The following CDCA5 variants were observed in gnomAD, a reference collection of about 807,000 sequenced individuals.
CDCA5 encodes the protein cell division cycle associated 5, also known as sororin.
Under a neutral mutation model 25.7 loss-of-function variants are expected in CDCA5, and 14 were observed. The observed-to-expected ratio is 0.54, with a 90% CI of 0.36 to 0.85. CDCA5 has a LOEUF of 0.85. Ranked by LOEUF, CDCA5 falls within the 40% of genes least tolerant of loss-of-function variation. CDCA5 has a pLI of 0.01. For synonymous variants in CDCA5, 127 were observed against 128.7 expected (o/e 0.99, Z 0.09); for missense variants, 307 against 324.5 (o/e 0.95, Z 0.41).
chr11:65,079,843 C>T lies in CDCA5; in HGVS notation c.244-56G>A, dbSNP rs966312636. 9 of 1,328,692 alleles carry T rather than the reference C, an allele frequency of 6.8e-6. No individual in the cohort carries two copies. The African/African-American group carries it at 1.0e-4, about 15-fold the overall frequency. 82.3% of individuals were successfully genotyped at this position (1,328,692 alleles called of 1,614,324 possible). On this transcript the variant is annotated intron_variant, in intron 4 of 5. Transcript: ENST00000275517. Reference sequence around the variant, plus strand: ...AATACTTAGCTGGACTGCTTACTTCCAGAAAAGCCCGAGAAGATTCAGGGT... The same window carrying T: ...AATACTTAGCTGGACTGCTTACTTCTAGAAAAGCCCGAGAAGATTCAGGGT...
chr11:65,082,540 G>C (rs1468379707), intron 4 of CDCA5, among the ~76,000 whole-genome samples: 1 of 142,898 alleles, frequency 7.0e-6, no homozygotes, highest in Admixed American at 7.5e-5. Flanking sequence ...TCGGCCCACT[G>C]CAACCTCCGC....
At chr11:65,076,008 G>GA (rs34380863), downstream of CDCA5, among the ~76,000 whole-genome samples, 128 of 152,344 alleles carry the variant, frequency 8.4e-4, no homozygotes, top group African/African-American at 2.9e-3. Flanking sequence ...AGCTGTTAAA[G>GA]AGAGTGACGA....
exon 5 of CDCA5, chr11:65,066,823 A>G (rs557454281): frequency 3.9e-6 from 5 of 1,289,360 alleles, no homozygotes; most frequent in South Asian, 2.5e-5. Flanking sequence ...CAGGTTCTGC[A>G]GCTTCTCCCC....
exon 4 of CDCA5, chr11:65,067,708 C>G (rs1194397434): frequency 1.6e-6 from 2 of 1,289,762 alleles, no homozygotes; most frequent in South Asian, 2.5e-5. Context: ...GCTGGGGGCC[C>G]CAGTCCTCCT....
chr11:65,066,549 C>G (rs1453077551), intron 6 of CDCA5: 1 of 1,289,246 alleles, frequency 7.8e-7, no homozygotes, highest in Non-Finnish European at 1.0e-6. Flanking sequence ...GCTGCCCGCA[C>G]ACCTGAGCAG....
downstream of CDCA5, among the ~76,000 whole-genome samples, chr11:65,074,050 C>T (rs536004214): frequency 2.6e-5 from 4 of 152,200 alleles, no homozygotes; most frequent in Non-Finnish European, 5.9e-5. Context: ...ACTGGGCAGC[C>T]AGGCACCAGC....
Position 65,079,152 on chromosome 11 carries a change from A to C in CDCA5, c.714T>G (p.Asn238Lys), listed in dbSNP as rs1947504202. 1.3e-6 allele frequency: 2 copies of C among 1,522,380 alleles called. No homozygotes were observed. The highest frequency in any genetic ancestry group is 1.8e-6 in the Non-Finnish European group (2 of 1,137,468). 94.3% of individuals were successfully genotyped at this position (1,522,380 alleles called of 1,614,324 possible). Residue 238 changes from asparagine (N) to lysine (K), a missense_variant, in exon 6 of 6, where the codon AAT (asparagine) becomes AAG (lysine). By Grantham distance (94) the Asn-to-Lys change is moderately conservative. Transcript: ENST00000275517. ...TELDEWAAAM[N>K]AEFEAAEQFD... ...ACTGCTCAGCAGCTTCAAACTCGGCATTCATGGCCGCAGCCCACTCATCCA... is the reference window on the plus strand; with the variant it reads ...ACTGCTCAGCAGCTTCAAACTCGGCCTTCATGGCCGCAGCCCACTCATCCA...
chr11:65,062,368 G>A (rs1947194080), downstream of CDCA5, among the ~76,000 whole-genome samples: 1 of 152,128 alleles, frequency 6.6e-6, no homozygotes, highest in Admixed American at 6.6e-5. Flanking sequence ...TTTACACTCA[G>A]AGTAACAGTC....
At position 65,066,474 on chromosome 11, in the gene CDCA5, C is replaced by T. The variant is rs1259309393; in HGVS notation, c.564-1G>A. On this transcript the variant is annotated splice_acceptor_variant, in intron 6 of 6. Coordinates refer to the CDCA5 transcript ENST00000525464. LOFTEE classifies it high-confidence loss of function. ...ACCTGCCTTCCGGGGGTTTGGGTCA[C>T]TGCAGGCAGAGACAGCTCGAGTGAG... The T allele has an allele frequency of 7.8e-7, 1 of 1,288,196 alleles. No homozygotes were observed. Among genetic ancestry groups the T allele is most frequent in the East Asian group, 5.6e-5 (1 of 17,982 alleles). The allele number at this position is 1,288,196 out of a possible 1,614,324, so 79.8% of individuals were successfully genotyped here.
In CDCA5 at chr11:65,079,730, C is replaced by T. The variant is rs1245363652; in HGVS notation, c.301G>A (p.Asp101Asn). 2 of 1,521,322 alleles carry T rather than the reference C, an allele frequency of 1.3e-6. No individual in the cohort carries two copies. Among genetic ancestry groups the T allele is most frequent in the Non-Finnish European group, 1.8e-6 (2 of 1,135,862 alleles). The allele number at this position is 1,521,322 out of a possible 1,614,324, so 94.2% of individuals were successfully genotyped here. A position where few individuals can be genotyped will look rare whatever the true frequency, so the allele number is the denominator to read the frequency against. Residue 101 changes from aspartate (D) to asparagine (N), a missense_variant, in exon 5 of 6, where the codon GAC becomes AAC. Physicochemically the swap from Asp to Asn is conservative, Grantham distance 23. Transcript: ENST00000275517. ...GGGACGCTGTGTGTCTTGAAAAGGT[C>T]CTCCTTAGTAAGCTCCCTGCCAGGG... ...EPPGRELTKE[D>N]LFKTHSVPAT...
At chr11:65,082,219 G>A (rs1251748945) in intron 4 of CDCA5, among the ~76,000 whole-genome samples, 1 of 152,044 alleles carries the variant, frequency 6.6e-6, no homozygotes, top group Admixed American at 6.6e-5. Context: ...ACTCAAACTT[G>A]ACTCGGTCAC....
intron 3 of CDCA5, 25 bp from the exon 4 acceptor site, chr11:65,083,424 C>T (rs369712005): frequency 2.5e-5 from 40 of 1,614,022 alleles, no homozygotes; most frequent in Admixed American, 1.2e-4. Flanking sequence ...ACCAATTGAT[C>T]ACATAGCTGG....
chr11:65,080,198 C>CT (rs1947537819), intron 4 of CDCA5, among the ~76,000 whole-genome samples: 1 of 152,044 alleles, frequency 6.6e-6, no homozygotes, highest in Admixed American at 6.5e-5. Flanking sequence ...CCAACACACA[C>CT]TTTTTTTAAG....
chr11:65,072,241 G>A (rs1169427533), intron 1 of CDCA5, among the ~76,000 whole-genome samples: 3 of 152,238 alleles, frequency 2.0e-5, no homozygotes, highest in Admixed American at 6.5e-5. Flanking sequence ...GCAGGTGGCT[G>A]TCAGGGAGCC....
chr11:65,075,143 C>T (rs559762377), downstream of CDCA5, among the ~76,000 whole-genome samples: 6 of 149,516 alleles, frequency 4.0e-5, no homozygotes, highest in Admixed American at 2.7e-4. Context: ...ACGCCTATAA[C>T]CCCAGCACTT....
In CDCA5 at chr11:65,079,104, A is replaced by G. The variant is rs1256821032; in HGVS notation, c.*3T>C. 1.3e-6 allele frequency: 2 copies of G among 1,516,382 alleles called. No individual in the cohort carries two copies. The highest frequency in any genetic ancestry group is 1.4e-5 in the African/African-American group (1 of 71,594). The allele number at this position is 1,516,382 out of a possible 1,614,324, so 93.9% of individuals were successfully genotyped here. A position where few individuals can be genotyped will look rare whatever the true frequency, so the allele number is the denominator to read the frequency against. ...TCTGGCCAGGTGCACCCCCCACTGC[A>G]TCTCATTCAACCAGGAGATCAAACT... On this transcript the variant is annotated 3_prime_UTR_variant, in exon 6 of 6. Transcript: ENST00000275517.
downstream of CDCA5, among the ~76,000 whole-genome samples, chr11:65,065,415 G>C (rs1314626593): frequency 1.3e-5 from 2 of 152,092 alleles, no homozygotes; most frequent in East Asian, 3.9e-4. Flanking sequence ...AGCCTCCCAA[G>C]TAGCTGGGAT....
chr11:65,075,561 T>C (rs1947428716), downstream of CDCA5, among the ~76,000 whole-genome samples: 1 of 100,592 alleles, frequency 9.9e-6, no homozygotes, highest in Non-Finnish European at 2.2e-5. Flanking sequence ...GTGGGGGGGA[T>C]GTTGAGGGGG....
chr11:65,083,686 C>G lies in CDCA5; in HGVS notation c.84G>C (p.Arg28Ser). Residue 28 changes from arginine to serine, a missense_variant, in exon 2 of 6, where the codon AGG (arginine) becomes AGC (serine). Transcript: ENST00000275517. ...RAPSPTKPLR[R>S]SQRKSGSELP... is the part of the protein sequence containing the mutation. Reference sequence around the variant, plus strand: ...GTTCAGAGCCTGATTTCCGCTGGGACCTCCGCAGAGGCTTAGTAGGAGATG... The same window carrying G: ...GTTCAGAGCCTGATTTCCGCTGGGAGCTCCGCAGAGGCTTAGTAGGAGATG... The G allele has an allele frequency of 6.2e-7, 1 of 1,614,142 alleles. No individual in the cohort carries two copies. The highest frequency in any genetic ancestry group is 1.7e-4 in the Middle Eastern group (1 of 6,058).
Sources: allele counts gnomAD v4.1 joint callset (sites outside exome capture counted in the v4.1 genomes callset), GRCh38; gene constraint gnomAD v4.1.1; transcripts MANE v1.5; gene names NCBI Gene and HGNC (gene_info 2026-07-23, HGNC 2026-07-21).